HDAC5: variants seen among roughly 807,000 people sequenced by gnomAD.
The protein encoded by HDAC5 is antigen NY-CO-9.
A neutral mutation model predicts 133.3 loss-of-function variants in HDAC5; 25 were observed. The observed-to-expected ratio is 0.19, with a 90% CI of 0.14 to 0.26. HDAC5 has a LOEUF of 0.26. Among genes scored for constraint, HDAC5 ranks in the 10% least tolerant of loss-of-function variants. HDAC5 has a pLI of 1.00. For synonymous variants in HDAC5, 589 were observed against 610.8 expected (o/e 0.96, Z 0.53); for missense variants, 1,041 against 1,460.5 (o/e 0.71, Z 4.68).
Position 44,086,642 on chromosome 17 carries a change from C to A in HDAC5, c.1980G>T (p.Gln660His). ...TVPHQALGRT[Q>H]SSPAAPGGMK... Reference sequence around the variant, plus strand: ...TGCCCCCAGGGGCAGCAGGGGAGGACTGGGTACGGCCCAGGGCCTGGTGGG... The same window carrying A: ...TGCCCCCAGGGGCAGCAGGGGAGGAATGGGTACGGCCCAGGGCCTGGTGGG... The change falls in exon 14 of 27, where the codon CAG (glutamine) becomes CAT (histidine). Residue 660 changes from glutamine (Q) to histidine (H), a missense_variant. Physicochemically the swap from Gln to His is conservative, Grantham distance 24. Coordinates refer to ENST00000682912, the MANE Select transcript of HDAC5 (RefSeq NM_005474.5). 7.7e-7 allele frequency: 1 copy of A among 1,301,966 alleles called. No individual in the cohort carries two copies. The highest frequency in any genetic ancestry group is 2.8e-5 in the East Asian group (1 of 35,358). The allele number at this position is 1,301,966 out of a possible 1,614,324, so 80.7% of individuals were successfully genotyped here.
chr17:44,100,289 CCCTGTGACAAGAACCCCGG>C (rs1334344649), intron 3 of HDAC5, among the ~76,000 whole-genome samples: 1 of 152,106 alleles, frequency 6.6e-6, no homozygotes, highest in Non-Finnish European at 1.5e-5. Flanking sequence ...ACTCAAGAAT[CCCTGTGACAAGAACCCCGG>C]CCAGCAAGGA....
intron 3 of HDAC5, among the ~76,000 whole-genome samples, chr17:44,094,655 T>A (rs2051147046): frequency 1.3e-5 from 2 of 151,928 alleles, no homozygotes; most frequent in African/African-American, 2.4e-5. Flanking sequence ...AAAGAAAATG[T>A]GCATAAGCAT....
chr17:44,087,424 A>C lies in HDAC5; in HGVS notation c.1872T>G (p.Ala624=). The C allele has an allele frequency of 1.9e-6, 2 of 1,069,018 alleles. No homozygotes were observed. Among genetic ancestry groups the C allele is most frequent in the Non-Finnish European group, 2.9e-6 (2 of 684,476 alleles). 66.2% of individuals were successfully genotyped at this position (1,069,018 alleles called of 1,614,324 possible). A position where few individuals can be genotyped will look rare whatever the true frequency, so the allele number is the denominator to read the frequency against. The stretch of plus-strand genomic sequence containing the variant: ...GGACGGGGCTCACTTTTTTGTATCC[A>C]GCACCAGGCTCCTCCAAGTCGGGCC... ...EEGPDLEEPG[A]GYKKLFSDAQ... Residue 624 remains alanine (A), a synonymous_variant, in exon 13 of 27, where the codon GCT becomes GCG. Transcript: ENST00000682912.
chr17:44,080,441 C>G lies in HDAC5; in HGVS notation c.2785G>C (p.Asp929His), dbSNP rs780452318. 6.2e-7 allele frequency: 1 copy of G among 1,614,134 alleles called. No homozygotes were observed. ...NVNVAWTGGV[D>H]PPIGDVEYLT... ...TACTCCACGTCTCCAATGGGGGGGTCCACACCTCCTGTCCATGCCACGTTC... is the reference window on the plus strand; with the variant it reads ...TACTCCACGTCTCCAATGGGGGGGTGCACACCTCCTGTCCATGCCACGTTC... The change falls in exon 22 of 27, where the codon GAC (aspartate) becomes CAC (histidine). Residue 929 changes from aspartate (D) to histidine (H), a missense_variant. Around this residue, in one of 9 missense-constraint regions of HDAC5, gnomAD observed 174 missense variants for 352.7 expected, o/e 0.49. Coordinates refer to ENST00000682912, the MANE Select transcript of HDAC5 (RefSeq NM_005474.5).
chr17:44,088,576 T>C lies in HDAC5; in HGVS notation c.1410A>G (p.Pro470=), dbSNP rs1407346521. 6.2e-7 allele frequency: 1 copy of C among 1,613,192 alleles called. No homozygotes were observed. The highest frequency in any genetic ancestry group is 2.2e-5 in the East Asian group (1 of 44,870). The part of the protein sequence containing the change: ...LIAVPLHGQS[P]LVTGERVATS... ...TGGCCACACGTTCACCCGTCACTAGTGGGGACTGCCCGTGGAGTGGCACTA... is the reference window on the plus strand; with the variant it reads ...TGGCCACACGTTCACCCGTCACTAGCGGGGACTGCCCGTGGAGTGGCACTA... Residue 470 remains proline (P), a synonymous_variant, in exon 12 of 27, where the codon CCA becomes CCG. Coordinates refer to ENST00000682912, the MANE Select transcript of HDAC5 (RefSeq NM_005474.5).
At chr17:44,102,867 C>A (rs1016220804) in intron 3 of HDAC5, among the ~76,000 whole-genome samples, 2 of 151,970 alleles carry the variant, frequency 1.3e-5, no homozygotes, top group Non-Finnish European at 2.9e-5. Context: ...AGGGTTTCAC[C>A]GTGTTAGCCA....
chr17:44,109,581 G>A (rs372902634), intron 3 of HDAC5, among the ~76,000 whole-genome samples: 27 of 152,216 alleles, frequency 1.8e-4, no homozygotes, highest in African/African-American at 6.3e-4. Flanking sequence ...ATCCCTGCCT[G>A]GGCAGATGAT....
chr17:44,117,724 G>A lies in HDAC5; in HGVS notation c.-189-20C>T, dbSNP rs2052734399. The A allele has an allele frequency of 3.3e-6, 2 of 615,038 alleles. No individual in the cohort carries two copies. The highest frequency in any genetic ancestry group is 5.8e-6 in the Non-Finnish European group (2 of 342,206). The allele number at this position is 615,038 out of a possible 1,614,324, so 38.1% of individuals were successfully genotyped here. On this transcript the variant is annotated intron_variant, in intron 1 of 26. Transcript: ENST00000682912. This position sits in a 1 kb window ranked among gnomAD's most constrained non-coding sequence, Gnocchi z 4.2. ...GCATCCCTGGGGAGAGATGGAGCAG[G>A]GTTAGAGGCCCCTAACTCAGGAATC...
At chr17:44,114,263 G>A (rs2052512144) in intron 2 of HDAC5, among the ~76,000 whole-genome samples, 2 of 152,230 alleles carry the variant, frequency 1.3e-5, no homozygotes, top group African/African-American at 2.4e-5. Context: ...GGGAGGCCAG[G>A]AGTCTACTTC....
chr17:44,089,998 C>T (rs912496972), intron 11 of HDAC5, among the ~76,000 whole-genome samples: 2 of 150,446 alleles, frequency 1.3e-5, no homozygotes, highest in South Asian at 2.1e-4. Context: ...TTTGGGAGGC[C>T]GAGGCGAACG....
chr17:44,087,387 G>A (rs1422413565), intron 13 of HDAC5, 25 bp downstream of exon 13: 4 of 784,480 alleles, frequency 5.1e-6, no homozygotes, highest in Non-Finnish European at 6.9e-6. Context: ...GGTGACCAAG[G>A]ACTGGGACCA....
chr17:44,100,516 C>T (rs1429375570), intron 3 of HDAC5, among the ~76,000 whole-genome samples: 1 of 145,928 alleles, frequency 6.9e-6, no homozygotes, highest in Non-Finnish European at 1.5e-5. Flanking sequence ...GGGCAGATCA[C>T]GAGGTCAGGA....
intron 3 of HDAC5, among the ~76,000 whole-genome samples, chr17:44,097,331 T>G (rs2051333934): frequency 1.3e-5 from 2 of 152,204 alleles, no homozygotes; most frequent in African/African-American, 4.8e-5. Flanking sequence ...CATTCCTCTG[T>G]GGTTTTCCCG....
chr17:44,096,507 CTT>C (rs1209986866), intron 3 of HDAC5, among the ~76,000 whole-genome samples: 2 of 143,972 alleles, frequency 1.4e-5, no homozygotes, highest in South Asian at 2.2e-4. Context: ...GAGTTTTGCT[CTT>C]GTCATCCAGG....
In HDAC5 at chr17:44,078,622, G is replaced by C. The variant is rs1298792418; in HGVS notation, c.3207C>G (p.Gly1069=). ...CTGCTTGGGCCTCTCGCAGGGACCG[G>C]CCCAGACCAGCGGCGAACTTCTGCA... ...SCVQKFAAGL[G]RSLREAQAGE... is the part of the protein sequence containing the mutation. The change falls in exon 26 of 27, where the codon GGC becomes GGG. Residue 1069 remains glycine (G), a synonymous_variant. Transcript: ENST00000682912. The C allele has an allele frequency of 6.2e-7, 1 of 1,606,756 alleles. No individual in the cohort carries two copies. The highest frequency in any genetic ancestry group is 8.5e-7 in the Non-Finnish European group (1 of 1,179,776).
In HDAC5 at chr17:44,078,549, C is replaced by T; in HGVS notation, c.3280G>A (p.Val1094Met). 1 of 1,612,308 alleles carries T rather than the reference C, an allele frequency of 6.2e-7. No homozygotes were observed. Among genetic ancestry groups the T allele is most frequent in the Non-Finnish European group, 8.5e-7 (1 of 1,179,892 alleles). The change falls in exon 26 of 27, where the codon GTG (valine) becomes ATG (methionine). Residue 1094 changes from valine (V) to methionine (M), a missense_variant. By Grantham distance (21) the Val-to-Met change is conservative. Around this residue, in one of 9 missense-constraint regions of HDAC5, gnomAD observed 95 missense variants for 107.3 expected, o/e 0.88. Transcript: ENST00000682912. ...ETVSAMALLS[V>M]GAEQAQAAAA... is the part of the protein sequence containing the mutation. ...GCAGCCTGGGCCTGCTCGGCCCCCA[C>T]CGACAGCAAGGCCATGGCGCTCACA...
chr17:44,080,200 C>T lies in HDAC5; in HGVS notation c.2851G>A (p.Glu951Lys), dbSNP rs1187158237. 4 of 1,614,018 alleles carry T rather than the reference C, an allele frequency of 2.5e-6. No individual in the cohort carries two copies. Among genetic ancestry groups the T allele is most frequent in the Admixed American group, 1.7e-5 (1 of 60,002 alleles). Residue 951 changes from glutamate to lysine, a missense_variant, in exon 23 of 27, where the codon GAG becomes AAG. Coordinates refer to ENST00000682912, the MANE Select transcript of HDAC5 (RefSeq NM_005474.5). Reference protein sequence around the residue: ...FRTVVMPIAHEFSPDVVLVSA... With the variant: ...FRTVVMPIAHKFSPDVVLVSA... ...ACTAGGACCACATCAGGTGAGAACTCGTGGGCAATGGGCATCACCACTGTC... is the reference window on the plus strand; with the variant it reads ...ACTAGGACCACATCAGGTGAGAACTTGTGGGCAATGGGCATCACCACTGTC...
intron 11 of HDAC5, among the ~76,000 whole-genome samples, chr17:44,090,778 C>T (rs1387432419): frequency 1.3e-5 from 2 of 152,048 alleles, no homozygotes; most frequent in Admixed American, 6.6e-5. Context: ...CAAGCTCCGC[C>T]TCCCAGGTTC....
At chr17:44,109,971 T>G (rs909296673) in intron 3 of HDAC5, among the ~76,000 whole-genome samples, 2 of 152,176 alleles carry the variant, frequency 1.3e-5, no homozygotes, top group Non-Finnish European at 2.9e-5. Flanking sequence ...GCGGCCCAGC[T>G]CTGGGGGACC....
Sources: gnomAD v4.1 joint callset for allele counts (sites outside exome capture counted in the v4.1 genomes callset) on GRCh38, gnomAD v4.1.1 for gene constraint, gnomAD v4.1.1 regional missense constraint, Gnocchi (gnomAD v3.1) non-coding constraint, MANE v1.5 for transcripts, NCBI Gene and HGNC (gene_info 2026-07-23, HGNC 2026-07-21) for gene names.